Variants in RNF17 observed in about 807,000 individuals in gnomAD.
RNF17 encodes the protein spermatogenesis associated 23.
A neutral mutation model predicts 200.5 loss-of-function variants in RNF17; 31 were observed. The ratio of observed to expected loss-of-function variants is 0.15; its 90% CI spans 0.12 to 0.21. The LOEUF is 0.21. RNF17 is among the 10% of genes least tolerant of loss of function. The probability of loss-of-function intolerance (pLI) is 1.00; values close to 1 mark genes in which losing one functional copy is unlikely to be tolerated. For synonymous variants in RNF17, 606 were observed against 637.8 expected (o/e 0.95, Z 0.75); for missense variants, 1,628 against 1,905.1 (o/e 0.85, Z 2.71).
At chr13:24,768,523 A>T (rs776738653) in intron 2 of RNF17, among the ~76,000 whole-genome samples, 20 of 152,060 alleles carry the variant, frequency 1.3e-4, no homozygotes, top group Non-Finnish European at 1.8e-4. Flanking sequence ...TCACCTCGTG[A>T]TCCGCCCACC....
rs115237785 is a variant in RNF17 at position 24,767,029 on chromosome 13, A to G, written c.131-243A>G. 9.4e-3 allele frequency among the ~76,000 whole-genome samples: 1,431 copies of G among 152,300 alleles called. 33 individuals carry two copies. Among genetic ancestry groups the G allele is most frequent in the African/African-American group, 0.032 (1,340 of 41,564 alleles). On this transcript the variant is annotated intron_variant, in intron 1 of 35. Coordinates refer to ENST00000255324, the MANE Select transcript of RNF17 (RefSeq NM_031277.3). Reference sequence around the variant, plus strand: ...CCCTTGTATCAGTATTGCCCATTCAACATTAACACACTGTGGGCAGTTTAA... The same window carrying G: ...CCCTTGTATCAGTATTGCCCATTCAGCATTAACACACTGTGGGCAGTTTAA...
At chr13:24,831,694 T>C (rs1889427997) in intron 17 of RNF17, among the ~76,000 whole-genome samples, 164 bp from the exon 18 acceptor site, 1 of 152,234 alleles carries the variant, frequency 6.6e-6, no homozygotes, top group South Asian at 2.1e-4. Flanking sequence ...TGATTTGTGT[T>C]TATAAAGTAC....
At chr13:24,864,295 C>T (rs61947494) in intron 28 of RNF17, among the ~76,000 whole-genome samples, 40,590 of 151,932 alleles carry the variant, frequency 0.27, 6,101 homozygotes, top group Admixed American at 0.37. Context: ...GAGGCAGCAA[C>T]AGTAATTCAG....
At chr13:24,786,153 T>G (rs2137596515) in intron 6 of RNF17, among the ~76,000 whole-genome samples, 1 of 152,330 alleles carries the variant, frequency 6.6e-6, no homozygotes, top group South Asian at 2.1e-4. Context: ...GTCACAAATT[T>G]TGATTCCTTT....
intron 6 of RNF17, among the ~76,000 whole-genome samples, chr13:24,784,566 T>C (rs1205920371): frequency 1.3e-5 from 2 of 152,226 alleles, no homozygotes; most frequent in Non-Finnish European, 2.9e-5. Context: ...TCAGTTGTGA[T>C]AGGTTATGTG....
In RNF17 at chr13:24,767,280, T is replaced by A; in HGVS notation, c.139T>A (p.Cys47Ser). 1.2e-6 allele frequency: 2 copies of A among 1,600,152 alleles called. No homozygotes were observed. Among genetic ancestry groups the A allele is most frequent in the Non-Finnish European group, 1.7e-6 (2 of 1,167,852 alleles). The change falls in exon 2 of 36, where the codon TGT becomes AGT. Residue 47 changes from cysteine (C) to serine (S), a missense_variant. Around this residue, in one of 5 missense-constraint regions of RNF17, gnomAD observed 502 missense variants for 501.7 expected, o/e 1.00. Coordinates refer to ENST00000255324, the MANE Select transcript of RNF17 (RefSeq NM_031277.3). ...AAGAATTTCATCAATAGGTCACCATTGTGAACTTCAATGTGGACATGCTTT... is the reference window on the plus strand; with the variant it reads ...AAGAATTTCATCAATAGGTCACCATAGTGAACTTCAATGTGGACATGCTTT... ...RRVSRSSGHH[C>S]ELQCGHAFCE...
At chr13:24,838,235 ACAG>A (rs1890220569) in intron 18 of RNF17, among the ~76,000 whole-genome samples, 2 of 152,218 alleles carry the variant, frequency 1.3e-5, no homozygotes, top group Non-Finnish European at 2.9e-5. Flanking sequence ...AGACGGATTC[ACAG>A]CAGAATTCTG....
chr13:24,792,087 A>C (rs975754533), intron 9 of RNF17, among the ~76,000 whole-genome samples: 1 of 152,218 alleles, frequency 6.6e-6, no homozygotes, highest in African/African-American at 2.4e-5. Flanking sequence ...CTTTATGCTT[A>C]CATGGATAAT....
chr13:24,828,020 A>G lies in RNF17; in HGVS notation c.2245+2248A>G, dbSNP rs78089370. ...GGATTAAGTTTCAACATGAATTTTG[A>G]GACAAAAACATTCCAGTGATTGCAA... On this transcript the variant is annotated intron_variant, in intron 16 of 35. Coordinates refer to ENST00000255324, the MANE Select transcript of RNF17 (RefSeq NM_031277.3). Among the ~76,000 whole-genome samples, 9 of 152,326 alleles carry G rather than the reference A, an allele frequency of 5.9e-5. No individual in the cohort carries two copies. The East Asian group carries it at 1.7e-3, about 29-fold the overall frequency.
chr13:24,835,348 C>T (rs1889866512), intron 18 of RNF17, among the ~76,000 whole-genome samples: 1 of 152,176 alleles, frequency 6.6e-6, no homozygotes, highest in Non-Finnish European at 1.5e-5. Flanking sequence ...AAATTACCAC[C>T]TCTGGCAGGA....
intron 2 of RNF17, among the ~76,000 whole-genome samples, chr13:24,767,581 C>T (rs1468646802): frequency 2.6e-5 from 4 of 152,024 alleles, no homozygotes; most frequent in African/African-American, 9.7e-5. Flanking sequence ...AACCCCGTCT[C>T]TACTAAAAAT....
chr13:24,774,848 C>T lies in RNF17; in HGVS notation c.261C>T (p.Tyr87=), dbSNP rs150684882. 1,856 of 1,612,418 alleles carry T rather than the reference C, an allele frequency of 1.2e-3. 2 individuals carry two copies. The highest frequency in any genetic ancestry group is 1.5e-3 in the Non-Finnish European group (1,720 of 1,178,854). ...CTGTAAATACTAGACAACGCTACTA[C>T]CCAATGGCTGGATATATTAAGGAAG... ...ATAVNTRQRY[Y]PMAGYIKEDS... is the part of the protein sequence containing the mutation. The change falls in exon 3 of 36, where the codon TAC becomes TAT. Residue 87 remains tyrosine (Y), a synonymous_variant. Coordinates refer to ENST00000255324, the MANE Select transcript of RNF17 (RefSeq NM_031277.3).
At chr13:24,813,039 C>T (rs1026241404) in intron 15 of RNF17, among the ~76,000 whole-genome samples, 3 of 152,066 alleles carry the variant, frequency 2.0e-5, no homozygotes, top group African/African-American at 7.2e-5. Flanking sequence ...TCTGCATTTC[C>T]CTAATGGCCA....
At chr13:24,855,037 A>T (rs9511478) in intron 25 of RNF17, among the ~76,000 whole-genome samples, 1 of 151,950 alleles carries the variant, frequency 6.6e-6, no homozygotes, top group Admixed American at 6.6e-5. Flanking sequence ...CAAATTTTTT[A>T]GGTTTTCCAT....
chr13:24,851,627 G>A lies in RNF17; in HGVS notation c.3320+56G>A, dbSNP rs114646653. ...AGTTTGTGATGGATGCCTCAGTTGCGTGTGCAAATCTTATGTGTGCTTTCA... is the reference window on the plus strand; with the variant it reads ...AGTTTGTGATGGATGCCTCAGTTGCATGTGCAAATCTTATGTGTGCTTTCA... On this transcript the variant is annotated intron_variant, in intron 24 of 35. Coordinates refer to ENST00000255324, the MANE Select transcript of RNF17 (RefSeq NM_031277.3). 2,370 of 1,015,604 alleles carry A rather than the reference G, an allele frequency of 2.3e-3. 46 individuals are homozygous for A. In the African/African-American group the frequency reaches 0.032, roughly 14 times the overall value. 62.9% of individuals were successfully genotyped at this position (1,015,604 alleles called of 1,614,324 possible).
In RNF17 at chr13:24,814,666, G is replaced by A. The variant is rs576683606; in HGVS notation, c.2091+10237G>A. 2.6e-5 allele frequency among the ~76,000 whole-genome samples: 4 copies of A among 152,296 alleles called. No homozygotes were observed. In the East Asian group the frequency reaches 7.7e-4, roughly 29 times the overall value. ...AATGGTCTTGGCACCCTTGTTAAAA[G>A]TGAAAGTTTATTTCTGGACTTTCTA... On this transcript the variant is annotated intron_variant, in intron 15 of 35. Transcript: ENST00000255324.
chr13:24,800,452 A>G lies in RNF17; in HGVS notation c.1676A>G (p.Glu559Gly). 6.2e-7 allele frequency: 1 copy of G among 1,613,568 alleles called. No homozygotes were observed. The highest frequency in any genetic ancestry group is 1.3e-5 in the African/African-American group (1 of 75,032). Residue 559 changes from glutamate to glycine, a missense_variant, in exon 13 of 36, where the codon GAA (glutamate) becomes GGA (glycine). Physicochemically the swap from Glu to Gly is moderately conservative, Grantham distance 98. Coordinates refer to ENST00000255324, the MANE Select transcript of RNF17 (RefSeq NM_031277.3). ...NDLCLVLRKSEPYTEGLLKDI... is the reference protein window; with the variant it reads ...NDLCLVLRKSGPYTEGLLKDI... ...TTATGTCTGGTTCTAAGGAAATCTG[A>G]ACCATATACTGAAGGGCTGCTAAAA...
At chr13:24,811,863 C>T (rs1170226876) in intron 15 of RNF17, among the ~76,000 whole-genome samples, 4 of 152,112 alleles carry the variant, frequency 2.6e-5, no homozygotes, top group African/African-American at 9.7e-5. Context: ...TTCATACAGA[C>T]AGGACCCTCA....
In RNF17 at chr13:24,795,165, A is replaced by G. The variant is rs574131941; in HGVS notation, c.1241-972A>G. The stretch of plus-strand genomic sequence containing the variant: ...CCCATTTGTTCAGTTTCTGTCATCT[A>G]TCTATACTTGACTATATTCATTTCC... On this transcript the variant is annotated intron_variant, in intron 10 of 35. Coordinates refer to ENST00000255324, the MANE Select transcript of RNF17 (RefSeq NM_031277.3). Among the ~76,000 whole-genome samples, 10 of 152,194 alleles carry G rather than the reference A, an allele frequency of 6.6e-5. No individual in the cohort carries two copies. The South Asian group carries it at 1.9e-3, about 28-fold the overall frequency.
Sources: allele counts gnomAD v4.1 joint callset (sites outside exome capture counted in the v4.1 genomes callset), GRCh38; gene constraint gnomAD v4.1.1; regional missense constraint gnomAD v4.1.1; transcripts MANE v1.5; gene names NCBI Gene and HGNC (gene_info 2026-07-23, HGNC 2026-07-21).